Variants in SGPP2 observed in about 807,000 individuals in gnomAD.
The protein encoded by SGPP2 is sphingosine 1-phosphate phosphohydrolase 2.
In SGPP2, 30 loss-of-function variants were observed where a neutral mutation model predicts 33.9. The observed-to-expected ratio is 0.89, with a 90% CI of 0.66 to 1.20. The LOEUF (loss-of-function observed/expected upper bound fraction) is 1.20. Among genes scored for constraint, SGPP2 ranks in the 50% most tolerant of loss-of-function variants. The pLI, the probability that SGPP2 is intolerant of heterozygous loss-of-function variation, is 0.00. For missense variants in SGPP2, 458 were observed against 532.1 expected (o/e 0.86, Z 1.37); for synonymous variants, 233 against 225.0 (o/e 1.04, Z -0.32).
intron 4 of SGPP2, among the ~76,000 whole-genome samples, chr2:222,556,332 G>A (rs756419583): frequency 4.6e-5 from 7 of 152,008 alleles, no homozygotes; most frequent in African/African-American, 9.7e-5. Context: ...ATGGTGAAGC[G>A]TGAGGGGATG....
Position 222,561,373 on chromosome 2 carries a change from G to A in SGPP2, c.*2475G>A, listed in dbSNP as rs1689535589. 6.6e-6 allele frequency among the ~76,000 whole-genome samples: 1 copy of A among 151,976 alleles called. No individual in the cohort carries two copies. The highest frequency in any genetic ancestry group is 1.5e-5 in the Non-Finnish European group (1 of 68,010). On this transcript the variant is annotated 3_prime_UTR_variant, in exon 5 of 5. Coordinates refer to ENST00000321276, the MANE Select transcript of SGPP2 (RefSeq NM_152386.4). ...CCACACAGCTGCCCAGCCAGAGTTC[G>A]CAACACTGGATATTTACACCAAATA...
At chr2:222,436,146 C>T (rs950725389) in intron 1 of SGPP2, among the ~76,000 whole-genome samples, 5 of 152,188 alleles carry the variant, frequency 3.3e-5, no homozygotes, top group African/African-American at 9.7e-5. Flanking sequence ...AGCCTGTTGA[C>T]TTCAAGGTAG....
intron 4 of SGPP2, among the ~76,000 whole-genome samples, chr2:222,537,959 C>G (rs1262082548): frequency 6.6e-6 from 1 of 152,200 alleles, no homozygotes; most frequent in Non-Finnish European, 1.5e-5. Context: ...GATAAACAAA[C>G]TATGGTACAT....
At chr2:222,471,106 A>C (rs1697833000) in intron 1 of SGPP2, among the ~76,000 whole-genome samples, 1 of 152,232 alleles carries the variant, frequency 6.6e-6, no homozygotes, top group African/African-American at 2.4e-5. Context: ...AATTGAATTC[A>C]CTTGGAAGTA....
chr2:222,449,369 C>G (rs1373260941), intron 1 of SGPP2, among the ~76,000 whole-genome samples: 1 of 152,164 alleles, frequency 6.6e-6, no homozygotes, highest in Non-Finnish European at 1.5e-5. Flanking sequence ...AAAAGCCCAC[C>G]TGGGCCAGGT....
chr2:222,552,530 G>A (rs1174131051), intron 4 of SGPP2, among the ~76,000 whole-genome samples: 3 of 152,124 alleles, frequency 2.0e-5, no homozygotes, highest in Admixed American at 6.5e-5. Flanking sequence ...CTACTGCTCA[G>A]GTGATAGGTA....
rs539892726 is a variant in SGPP2 at position 222,452,750 on chromosome 2, C to T, written c.220-21818C>T. Reference sequence around the variant, plus strand: ...TTGGAAGGTTTCCAGTCGTGTTCACCAGGCATTCCTGGTGGTAAGAAGAGT... The same window carrying T: ...TTGGAAGGTTTCCAGTCGTGTTCACTAGGCATTCCTGGTGGTAAGAAGAGT... On this transcript the variant is annotated intron_variant, in intron 1 of 4. Coordinates refer to ENST00000321276, the MANE Select transcript of SGPP2 (RefSeq NM_152386.4). 3.0e-5 allele frequency: 44 copies of T among 1,449,308 alleles called. 1 individual carries two copies. In the Admixed American group the frequency reaches 5.2e-4, roughly 17 times the overall value. The allele number at this position is 1,449,308 out of a possible 1,614,324, so 89.8% of individuals were successfully genotyped here.
rs957900364 is a variant in SGPP2, at chr2:222,465,237, C to T, written c.220-9331C>T. Among the ~76,000 whole-genome samples the T allele has an allele frequency of 2.0e-5, 3 of 152,112 alleles. No homozygotes were observed. The highest frequency in any genetic ancestry group is 2.9e-5 in the Non-Finnish European group (2 of 68,020). Reference sequence around the variant, plus strand: ...CATCCTGAAATTTTAATCACCTGAGCGCTGCTTAGACATTGGCTAGATCAC... The same window carrying T: ...CATCCTGAAATTTTAATCACCTGAGTGCTGCTTAGACATTGGCTAGATCAC... On this transcript the variant is annotated intron_variant, in intron 1 of 4. Transcript: ENST00000321276. The surrounding 1 kb of genome is among the most constrained non-coding windows in gnomAD (Gnocchi z 4.1).
At chr2:222,530,791 G>A (rs913991030) in intron 4 of SGPP2, among the ~76,000 whole-genome samples, 18 of 152,162 alleles carry the variant, frequency 1.2e-4, no homozygotes, top group Non-Finnish European at 1.9e-4. Flanking sequence ...ATGGCTGTTT[G>A]GTACAAGAGG....
intron 1 of SGPP2, among the ~76,000 whole-genome samples, chr2:222,450,498 C>A (rs1433887615): frequency 1.3e-5 from 2 of 152,184 alleles, no homozygotes; most frequent in African/African-American, 4.8e-5. Flanking sequence ...CTGGACATAG[C>A]TGAGGATGAA....
At chr2:222,536,950 A>G (rs1268304375) in intron 4 of SGPP2, among the ~76,000 whole-genome samples, 4 of 25,124 alleles carry the variant, frequency 1.6e-4, no homozygotes, top group Non-Finnish European at 4.6e-4. Context: ...TCTAAATCAA[A>G]TCATAAGAAA....
chr2:222,551,156 A>G (rs1689288263), intron 4 of SGPP2, among the ~76,000 whole-genome samples: 1 of 151,940 alleles, frequency 6.6e-6, no homozygotes, highest in Non-Finnish European at 1.5e-5. Context: ...CCTATCAACC[A>G]TCTGCACTCT....
At chr2:222,506,602 G>A (rs1210649464) in intron 2 of SGPP2, among the ~76,000 whole-genome samples, 2 of 152,078 alleles carry the variant, frequency 1.3e-5, no homozygotes, top group South Asian at 2.1e-4. Flanking sequence ...AACAAAATAT[G>A]TGTTCATCAG....
chr2:222,525,014 C>T lies in SGPP2; in HGVS notation c.629C>T (p.Thr210Ile). The T allele has an allele frequency of 5.0e-6, 8 of 1,614,014 alleles. No individual in the cohort carries two copies. Among genetic ancestry groups the T allele is most frequent in the Non-Finnish European group, 6.8e-6 (8 of 1,179,926 alleles). The change falls in exon 4 of 5, where the codon ACT becomes ATT. Residue 210 changes from threonine (T) to isoleucine (I), a missense_variant. Thr to Ile is a moderately conservative substitution (Grantham distance 89). Coordinates refer to ENST00000321276, the MANE Select transcript of SGPP2 (RefSeq NM_152386.4). The stretch of plus-strand genomic sequence containing the variant: ...TTGGTGTGTCTCAGCAGGCTCTACA[C>T]TGGGATGCATACGGTCCTGGTAAGG... ...STLVCLSRLY[T>I]GMHTVLDVLG...
intron 4 of SGPP2, among the ~76,000 whole-genome samples, chr2:222,539,410 T>G (rs1270650599): frequency 6.6e-6 from 1 of 152,182 alleles, no homozygotes; most frequent in Non-Finnish European, 1.5e-5. Flanking sequence ...AAATGGAATT[T>G]TATACAGGGA....
intron 1 of SGPP2, among the ~76,000 whole-genome samples, chr2:222,425,249 A>T: frequency 6.6e-6 from 1 of 151,870 alleles, no homozygotes; most frequent in Non-Finnish European, 1.5e-5. Context: ...ATGCGCACAA[A>T]TGCGGGTGCA....
chr2:222,517,431 A>G (rs1439154832), intron 2 of SGPP2, among the ~76,000 whole-genome samples: 1 of 152,046 alleles, frequency 6.6e-6, no homozygotes, highest in Non-Finnish European at 1.5e-5. Context: ...TGGATAACCA[A>G]ACTCCAGGGG....
intron 4 of SGPP2, among the ~76,000 whole-genome samples, chr2:222,554,623 A>G (rs543120284): frequency 1.2e-3 from 177 of 152,172 alleles, no homozygotes; most frequent in Middle Eastern, 3.4e-3. Flanking sequence ...GTCCCAGTTC[A>G]CCCCTACAGT....
intron 1 of SGPP2, among the ~76,000 whole-genome samples, chr2:222,425,225 A>AT (rs1697045487): frequency 7.9e-6 from 1 of 126,450 alleles, no homozygotes; most frequent in Admixed American, 8.3e-5. Flanking sequence ...ATTTCCGCCC[A>AT]TCCCCCTTCC....
Sources: allele counts gnomAD v4.1 joint callset (sites outside exome capture counted in the v4.1 genomes callset), GRCh38; gene constraint gnomAD v4.1.1; non-coding constraint Gnocchi (gnomAD v3.1); transcripts MANE v1.5; gene names NCBI Gene and HGNC (gene_info 2026-07-23, HGNC 2026-07-21).